LINGO2: variants seen among roughly 807,000 people sequenced by gnomAD.
The protein encoded by LINGO2 is leucine-rich repeat and immunoglobulin-like domain-containing nogo receptor-interacting protein 2.
In LINGO2, 14 loss-of-function variants were observed where a neutral mutation model predicts 30.6. That is an observed-to-expected ratio of 0.46 (90% CI 0.30 to 0.72). The LOEUF is 0.72. Ranked by LOEUF, LINGO2 falls within the 30% of genes least tolerant of loss-of-function variation. The pLI is 0.07. For synonymous variants in LINGO2, 317 were observed against 288.5 expected (o/e 1.10, Z -1.00); for missense variants, 729 against 751.7 (o/e 0.97, Z 0.35).
the LINGO2 span, among the ~76,000 whole-genome samples, chr9:28,726,143 C>T: frequency 3.3e-5 from 5 of 152,080 alleles, no homozygotes; most frequent in African/African-American, 1.2e-4. Context: ...GCTTATCAGT[C>T]AAATGGTGTG....
At chr9:28,558,885 G>A (rs1256328923) in intron 1 of LINGO2, among the ~76,000 whole-genome samples, 1 of 151,888 alleles carries the variant, frequency 6.6e-6, no homozygotes, top group South Asian at 2.1e-4. Flanking sequence ...CCCAAAAAAA[G>A]AATCTATATA....
chr9:28,453,657 T>A (rs1177910419), intron 2 of LINGO2, among the ~76,000 whole-genome samples: 1 of 151,914 alleles, frequency 6.6e-6, no homozygotes, highest in Non-Finnish European at 1.5e-5. Flanking sequence ...TAATTCAGAT[T>A]TATAGAAAAT....
the LINGO2 span, among the ~76,000 whole-genome samples, chr9:28,910,196 TA>T: frequency 1.3e-5 from 2 of 152,114 alleles, no homozygotes; most frequent in African/African-American, 2.4e-5. Flanking sequence ...TAGATACATT[TA>T]TCTCTTTTCT....
intron 2 of LINGO2, among the ~76,000 whole-genome samples, chr9:28,404,231 C>G (rs1822397790): frequency 6.6e-6 from 1 of 152,008 alleles, no homozygotes; most frequent in Non-Finnish European, 1.5e-5. Context: ...AATAAGTAAG[C>G]TTTCTTTCAT....
the LINGO2 span, among the ~76,000 whole-genome samples, chr9:29,100,808 G>C: frequency 1.3e-4 from 20 of 152,112 alleles, no homozygotes; most frequent in Admixed American, 1.1e-3. Context: ...TTGCGTGCCT[G>C]TATCAAAATA....
chr9:28,155,317 C>G (rs1828103810), intron 4 of LINGO2, among the ~76,000 whole-genome samples: 1 of 152,204 alleles, frequency 6.6e-6, no homozygotes, highest in South Asian at 2.1e-4. Context: ...CTGTGTGAAA[C>G]AGTCAGTCAT....
intron 4 of LINGO2, among the ~76,000 whole-genome samples, chr9:28,195,999 T>C (rs1192126395): frequency 2.6e-5 from 4 of 151,736 alleles, no homozygotes; most frequent in East Asian, 3.9e-4. Context: ...TAAATAAATA[T>C]ATTTATATAA....
At chr9:28,031,351 T>TG (rs1451463626) in intron 4 of LINGO2, among the ~76,000 whole-genome samples, 1 of 143,294 alleles carries the variant, frequency 7.0e-6, no homozygotes, top group Non-Finnish European at 1.5e-5. Flanking sequence ...AAAAACAGGA[T>TG]GGTTTTTTTT....
At position 28,376,259 on chromosome 9, in the gene LINGO2, A is replaced by AAGAAG. The variant is rs143601464; in HGVS notation, c.-278-3396_-278-3392dup. On this transcript the variant is annotated intron_variant, in intron 2 of 5. Coordinates refer to ENST00000379992, the Ensembl canonical transcript of LINGO2. The stretch of plus-strand genomic sequence containing the variant: ...AATTTTAGAATGGGTAGGAGAAGAG[A>AAGAAG]AGAAGAGAAGAGAAGAGAAGAGAAG... Among the ~76,000 whole-genome samples, 1,164 of 148,596 alleles carry AAGAAG rather than the reference A, an allele frequency of 7.8e-3. 4 individuals carry two copies. The highest frequency in any genetic ancestry group is 0.011 in the Non-Finnish European group (736 of 66,212).
the LINGO2 span, among the ~76,000 whole-genome samples, chr9:28,961,945 T>C: frequency 2.8e-5 from 3 of 107,476 alleles, no homozygotes; most frequent in Non-Finnish European, 7.0e-5. Flanking sequence ...CCAAGAGAGC[T>C]GCTATGCCTG....
chr9:28,722,820 C>G, the LINGO2 span, among the ~76,000 whole-genome samples: 1 of 152,056 alleles, frequency 6.6e-6, no homozygotes, highest in East Asian at 1.9e-4. Flanking sequence ...TGTTTGCCAG[C>G]CTTGTGATAA....
At chr9:28,389,649 T>A (rs1035291221) in intron 2 of LINGO2, among the ~76,000 whole-genome samples, 4 of 152,156 alleles carry the variant, frequency 2.6e-5, no homozygotes, top group Non-Finnish European at 5.9e-5. Context: ...AGCCTCATCA[T>A]CTTCCTAGAA....
chr9:28,458,269 T>A (rs1404815427), intron 2 of LINGO2, among the ~76,000 whole-genome samples: 1 of 152,250 alleles, frequency 6.6e-6, no homozygotes, highest in African/African-American at 2.4e-5. Context: ...GGATGATTTC[T>A]GCAGCTGGAT....
chr9:28,687,673 T>C, the LINGO2 span, among the ~76,000 whole-genome samples: 960 of 152,260 alleles, frequency 6.3e-3, 25 homozygotes, highest in Admixed American at 0.035. Context: ...GCAAGCTCTA[T>C]GCACATGGAT....
chr9:27,991,619 T>C (rs537529348), intron 5 of LINGO2, among the ~76,000 whole-genome samples: 9 of 152,094 alleles, frequency 5.9e-5, no homozygotes, highest in Admixed American at 1.3e-4. Context: ...AAGGGCAACT[T>C]CAAACACATA....
intron 2 of LINGO2, among the ~76,000 whole-genome samples, chr9:28,463,331 T>C (rs1022176764): frequency 6.6e-6 from 1 of 151,952 alleles, no homozygotes; most frequent in Non-Finnish European, 1.5e-5. Context: ...ATTTTTTGAA[T>C]GAGTGGGATG....
the LINGO2 span, among the ~76,000 whole-genome samples, chr9:28,877,570 A>G: frequency 1.6e-4 from 24 of 151,866 alleles, no homozygotes; most frequent in East Asian, 1.9e-3. Flanking sequence ...GTAGATATGC[A>G]GCGTTATTTC....
chr9:28,185,789 C>A (rs1819520301), intron 4 of LINGO2, among the ~76,000 whole-genome samples: 1 of 152,124 alleles, frequency 6.6e-6, no homozygotes, highest in Non-Finnish European at 1.5e-5. Flanking sequence ...AAAAACGTAT[C>A]TGACATTATT....
chr9:27,950,264 A>C, exon 6 of LINGO2: 1 of 1,614,066 alleles, frequency 6.2e-7, no homozygotes, highest in Non-Finnish European at 8.5e-7. Context: ...TATTCTCACT[A>C]ATGTCAAGCT....
Sources: allele counts gnomAD v4.1 joint callset (sites outside exome capture counted in the v4.1 genomes callset), GRCh38; gene constraint gnomAD v4.1.1; transcripts MANE v1.5; gene names NCBI Gene and HGNC (gene_info 2026-07-23, HGNC 2026-07-21).